The following VIL1 variants were observed in gnomAD, a reference collection of about 807,000 sequenced individuals.
VIL1 encodes villin 1, also known as villin-1.
A neutral mutation model predicts 104.0 loss-of-function variants in VIL1; 86 were observed. The observed-to-expected ratio is 0.83, with a 90% CI of 0.69 to 0.99. VIL1 has a LOEUF of 0.99. Ranked by LOEUF, VIL1 falls within the 50% of genes least tolerant of loss-of-function variation. VIL1 has a pLI of 0.00. For missense variants in VIL1, 944 were observed against 1,054.1 expected (o/e 0.90, Z 1.45); for synonymous variants, 394 against 412.6 (o/e 0.95, Z 0.55).
At chr2:218,427,807 G>A (rs549066910) in intron 4 of VIL1, among the ~76,000 whole-genome samples, 158 bp from the exon 5 acceptor site, 30 of 152,272 alleles carry the variant, frequency 2.0e-4, no homozygotes, top group African/African-American at 6.5e-4. Context: ...CTGACAGTGA[G>A]TGACTCCCTA....
Position 218,431,943 on chromosome 2 carries a change from A to C in VIL1, c.1189A>C (p.Ser397Arg). 1 of 1,613,770 alleles carries C rather than the reference A, an allele frequency of 6.2e-7. No individual in the cohort carries two copies. Among genetic ancestry groups the C allele is most frequent in the Non-Finnish European group, 8.5e-7 (1 of 1,179,970 alleles). The change falls in exon 11 of 20, where the codon AGT becomes CGT. Residue 397 changes from serine (S) to arginine (R), a missense_variant. By Grantham distance (110) the Ser-to-Arg change is moderately radical. Coordinates refer to ENST00000248444, the MANE Select transcript of VIL1 (RefSeq NM_007127.3). ...CCAGCAGAAGATGGTAGATGATGGG[A>C]GTGGGGAAGTGCAGGTATGTGAGGG... is the stretch of plus-strand genomic sequence containing the variant. ...AAQQKMVDDG[S>R]GEVQVWRIEN...
chr2:218,437,858 A>G (rs976569090), intron 17 of VIL1, among the ~76,000 whole-genome samples: 1 of 152,176 alleles, frequency 6.6e-6, no homozygotes, highest in Non-Finnish European at 1.5e-5. Context: ...CTGGCCCCAC[A>G]TAGAAGCAAG....
chr2:218,430,029 G>A, intron 9 of VIL1, 82 bp downstream of exon 9: 1 of 1,280,800 alleles, frequency 7.8e-7, no homozygotes, highest in South Asian at 1.3e-5. Context: ...GGGGTGGGCA[G>A]GCAGGCTCAG....
chr2:218,431,077 G>C, intron 10 of VIL1, 199 bp downstream of exon 10: 1 of 718,020 alleles, frequency 1.4e-6, no homozygotes, highest in Non-Finnish European at 2.3e-6. Context: ...GGCTGGGCAT[G>C]GTGGCACATG....
Position 218,429,963 on chromosome 2 carries a change from G to T in VIL1, c.948+16G>T. The T allele has an allele frequency of 1.4e-6, 2 of 1,438,376 alleles. No homozygotes were observed. Among genetic ancestry groups the T allele is most frequent in the South Asian group, 1.1e-5 (1 of 87,550 alleles). 89.1% of individuals were successfully genotyped at this position (1,438,376 alleles called of 1,614,324 possible). On this transcript the variant is annotated intron_variant, in intron 9 of 19. Coordinates refer to ENST00000248444, the MANE Select transcript of VIL1 (RefSeq NM_007127.3). ...CCATGCGCTGGTAGTGGTGGGGGCG[G>T]GGGAGGGTCCAGGAGGAGGGCAGAG...
Position 218,432,948 on chromosome 2 carries a change from C to T in VIL1, c.1497C>T (p.Tyr499=). The T allele has an allele frequency of 6.2e-7, 1 of 1,614,138 alleles. No individual in the cohort carries two copies. The highest frequency in any genetic ancestry group is 8.5e-7 in the Non-Finnish European group (1 of 1,180,022). ...TCTTCAAGGGACGCATGGTGGTCTA[C>T]CAGGTGTGGCTGCTGAACTGAGGTG... ...MSIFKGRMVV[Y]QGGTSRTNNL... The change falls in exon 13 of 20, where the codon TAC becomes TAT. Residue 499 remains tyrosine, a synonymous_variant. Coordinates refer to ENST00000248444, the MANE Select transcript of VIL1 (RefSeq NM_007127.3).
intron 19 of VIL1, among the ~76,000 whole-genome samples, chr2:218,441,621 C>T (rs1434933427): frequency 6.6e-6 from 1 of 152,064 alleles, no homozygotes; most frequent in Non-Finnish European, 1.5e-5. Flanking sequence ...GTGCCTTCTA[C>T]CCCAAGTTAA....
rs1157951034 is a variant in VIL1 at position 218,433,582 on chromosome 2, G to C, written c.1500+631G>C. Among the ~76,000 whole-genome samples the C allele has an allele frequency of 2.6e-5, 4 of 151,678 alleles. No homozygotes were observed. The South Asian group carries it at 8.3e-4, about 32-fold the overall frequency. Reference sequence around the variant, plus strand: ...GGGGGCACAGCAAGGACAAGGGCCTGGGGGAGAGGCTCCCTGGGGAACATC... The same window carrying C: ...GGGGGCACAGCAAGGACAAGGGCCTCGGGGAGAGGCTCCCTGGGGAACATC... On this transcript the variant is annotated intron_variant, in intron 13 of 19. Coordinates refer to ENST00000248444, the MANE Select transcript of VIL1 (RefSeq NM_007127.3).
rs375894475 is a variant in VIL1 at position 218,424,324 on chromosome 2, C to T, written c.123C>T (p.Phe41=). Residue 41 remains phenylalanine (F), a synonymous_variant, in exon 3 of 20, where the codon TTC becomes TTT. Coordinates refer to ENST00000248444, the MANE Select transcript of VIL1 (RefSeq NM_007127.3). ...PVPSSTFGSF[F]DGDCYIILAI... is the part of the protein sequence containing the mutation. ...CTTCCAGCACCTTTGGAAGCTTCTT[C>T]GATGGTGACTGCTACATCATCCTGG... 5.4e-5 allele frequency: 87 copies of T among 1,613,820 alleles called. No homozygotes were observed. The highest frequency in any genetic ancestry group is 1.5e-4 in the African/African-American group (11 of 74,890).
rs1482220864 is a variant in VIL1 at position 218,451,621 on chromosome 2, C to T, written c.*2285C>T. On this transcript the variant is annotated 3_prime_UTR_variant, in exon 20 of 20. Transcript: ENST00000248444. ...ATAGTTACATAATGGTAACTACACA[C>T]GATACAGAAGAATCAGTAAATTCAT... 8 of 151,766 alleles carry T rather than the reference C, an allele frequency of 5.3e-5. No individual in the cohort carries two copies. Among genetic ancestry groups the T allele is most frequent in the East Asian group, 1.9e-4 (1 of 5,170 alleles). The allele number at this position is 151,766 out of a possible 1,614,324, so 9.4% of individuals were successfully genotyped here.
intron 1 of VIL1, among the ~76,000 whole-genome samples, chr2:218,422,152 G>A (rs554716177): frequency 3.9e-5 from 6 of 152,224 alleles, no homozygotes; most frequent in African/African-American, 1.2e-4. Context: ...CTACTTGGGG[G>A]GCTGAGGCAG....
rs764356462 is a variant in VIL1, at chr2:218,430,835, C to A, written c.1059C>A (p.Asn353Lys). ...QQLFQKWTAS[N>K]RTSGLGKTHT... is the part of the protein sequence containing the mutation. ...TCTTCCAGAAGTGGACAGCGTCCAA[C>A]CGGACCTCAGGCCTAGGCAAAACCC... Residue 353 changes from asparagine to lysine, a missense_variant, in exon 10 of 20, where the codon AAC (asparagine) becomes AAA (lysine). Asn to Lys is a moderately conservative substitution (Grantham distance 94, BLOSUM62 0). Coordinates refer to ENST00000248444, the MANE Select transcript of VIL1 (RefSeq NM_007127.3). 8.1e-6 allele frequency: 13 copies of A among 1,613,908 alleles called. No individual in the cohort carries two copies. In the African/African-American group the frequency reaches 1.7e-4, roughly 22 times the overall value.
At chr2:218,420,746 C>T (rs1382748424) in intron 1 of VIL1, among the ~76,000 whole-genome samples, 1 of 151,996 alleles carries the variant, frequency 6.6e-6, no homozygotes, top group African/African-American at 2.4e-5. Context: ...CCATCTCGCC[C>T]GGCTAATTTT....
chr2:218,438,699 C>G lies in VIL1; in HGVS notation c.2202C>G (p.Asn734Lys), dbSNP rs1689235533. 2 of 1,612,578 alleles carry G rather than the reference C, an allele frequency of 1.2e-6. No homozygotes were observed. The highest frequency in any genetic ancestry group is 1.7e-6 in the Non-Finnish European group (2 of 1,179,716). Reference sequence around the variant, plus strand: ...AGGACCTGAAGGCGGAGCTTGGCAACTCTAGGGACTGGAGCCAGATCACTG... The same window carrying G: ...AGGACCTGAAGGCGGAGCTTGGCAAGTCTAGGGACTGGAGCCAGATCACTG... The part of the protein sequence containing the change: ...SYEDLKAELG[N>K]SRDWSQITAE... The change falls in exon 18 of 20, where the codon AAC (asparagine) becomes AAG (lysine). Residue 734 changes from asparagine (N) to lysine (K), a missense_variant. Physicochemically the swap from Asn to Lys is moderately conservative, Grantham distance 94 (BLOSUM62 0). Coordinates refer to ENST00000248444, the MANE Select transcript of VIL1 (RefSeq NM_007127.3).
chr2:218,435,564 C>T lies in VIL1; in HGVS notation c.1826+130C>T, dbSNP rs1689174848. ...GTGTGTCAGGCACTGTGCCAGACCC[C>T]CAGGGCTACAAGATGAATAAAGGGC... On this transcript the variant is annotated intron_variant, in intron 15 of 19. Transcript: ENST00000248444. 3.9e-6 allele frequency: 5 copies of T among 1,279,466 alleles called. No individual in the cohort carries two copies. In the South Asian group the frequency reaches 6.3e-5, roughly 16 times the overall value. 79.3% of individuals were successfully genotyped at this position (1,279,466 alleles called of 1,614,324 possible).
At chr2:218,445,887 C>T (rs1689356205) in intron 19 of VIL1, among the ~76,000 whole-genome samples, 1 of 152,148 alleles carries the variant, frequency 6.6e-6, no homozygotes, top group Non-Finnish European at 1.5e-5. Flanking sequence ...ATTCCTTCAT[C>T]TTATGGCTGA....
Position 218,436,621 on chromosome 2 carries a change from G to C in VIL1, c.1966G>C (p.Asp656His), listed in dbSNP as rs1689195959. Reference protein sequence around the residue: ...EDDVFLLDVWDQVFFWIGKHA... With the variant: ...EDDVFLLDVWHQVFFWIGKHA... ...TGATGTGTTCCTACTAGATGTCTGG[G>C]ACCAGGTAGGACCAAGGGCCTGGGG... Residue 656 changes from aspartate to histidine, a missense_variant, in exon 16 of 20, where the codon GAC (aspartate) becomes CAC (histidine). By Grantham distance (81) the Asp-to-His change is moderately conservative. Coordinates refer to ENST00000248444, the MANE Select transcript of VIL1 (RefSeq NM_007127.3). The C allele has an allele frequency of 6.2e-7, 1 of 1,613,612 alleles. No homozygotes were observed. The highest frequency in any genetic ancestry group is 1.7e-5 in the Admixed American group (1 of 59,906).
chr2:218,430,884 G>A lies in VIL1; in HGVS notation c.1102+6G>A, dbSNP rs1443502350. Reference sequence around the variant, plus strand: ...CCACACTGTGGGCTCCGTGGGTGAGGGCCAGGCGGGGGCAGTGAGGGAGCC... The same window carrying A: ...CCACACTGTGGGCTCCGTGGGTGAGAGCCAGGCGGGGGCAGTGAGGGAGCC... On this transcript the variant is annotated splice_donor_region_variant and intron_variant, in intron 10 of 19. Transcript: ENST00000248444. The A allele has an allele frequency of 6.2e-7, 1 of 1,609,982 alleles. No homozygotes were observed. Among genetic ancestry groups the A allele is most frequent in the East Asian group, 2.2e-5 (1 of 44,682 alleles).
chr2:218,437,484 G>A (rs1304353425), intron 17 of VIL1, among the ~76,000 whole-genome samples, 172 bp downstream of exon 17: 1 of 152,274 alleles, frequency 6.6e-6, no homozygotes, highest in African/African-American at 2.4e-5. Context: ...CCTCTGGTGA[G>A]AGGGAAGAAG....
Sources: allele counts gnomAD v4.1 joint callset (sites outside exome capture counted in the v4.1 genomes callset), GRCh38; gene constraint gnomAD v4.1.1; transcripts MANE v1.5; gene names NCBI Gene and HGNC (gene_info 2026-07-23, HGNC 2026-07-21).